TNRC18: variants seen among roughly 807,000 people sequenced by gnomAD.
TNRC18 encodes the protein trinucleotide repeat-containing gene 18 protein.
TNRC18 carries 69 observed loss-of-function variants against 226.7 expected under a neutral mutation model. The ratio of observed to expected loss-of-function variants is 0.30; its 90% CI spans 0.25 to 0.37. The LOEUF (loss-of-function observed/expected upper bound fraction) is 0.37, where lower values mean the gene tolerates loss of function less well. Among genes scored for constraint, TNRC18 ranks in the 10% least tolerant of loss-of-function variants. The pLI is 1.00. For synonymous variants in TNRC18, 2,449 were observed against 1,927.6 expected (o/e 1.27, Z -7.09); for missense variants, 4,754 against 4,256.6 (o/e 1.12, Z -3.25).
chr7:5,418,854 G>T (rs1393050380), intron 2 of TNRC18, among the ~76,000 whole-genome samples: 1 of 152,196 alleles, frequency 6.6e-6, no homozygotes, highest in African/African-American at 2.4e-5. Context: ...CTCCCACCTC[G>T]TGGCTAATGG....
chr7:5,375,865 C>G (rs370746768), intron 9 of TNRC18, among the ~76,000 whole-genome samples, 169 bp downstream of exon 9: 20 of 152,372 alleles, frequency 1.3e-4, no homozygotes, highest in East Asian at 1.2e-3. Context: ...ACAGATGGCT[C>G]CAGGTCTCGG....
Position 5,388,651 on chromosome 7 carries a change from T to C in TNRC18, c.1173A>G (p.Ala391=). Residue 391 remains alanine, a synonymous_variant, in exon 5 of 30, where the codon GCA becomes GCG. Coordinates refer to ENST00000430969, the MANE Select transcript of TNRC18 (RefSeq NM_001080495.3). ...GGGCCCGGGCATCGCGCGCCTGGGA[T>C]GCGATCTGGATGGGCCCCGGGCGCT... ...FDERPGPIQI[A]SQARDARARE... 1.6e-6 allele frequency: 2 copies of C among 1,277,812 alleles called. No homozygotes were observed. Among genetic ancestry groups the C allele is most frequent in the East Asian group, 3.6e-5 (1 of 27,534 alleles). The allele number at this position is 1,277,812 out of a possible 1,614,324, so 79.2% of individuals were successfully genotyped here. A position where few individuals can be genotyped will look rare whatever the true frequency, so the allele number is the denominator to read the frequency against.
At position 5,345,656 on chromosome 7, in the gene TNRC18, G is replaced by T; in HGVS notation, c.5625C>A (p.Ala1875=). The T allele has an allele frequency of 1.3e-6, 2 of 1,553,614 alleles. No homozygotes were observed. Among genetic ancestry groups the T allele is most frequent in the Non-Finnish European group, 1.7e-6 (2 of 1,148,832 alleles). Residue 1875 remains alanine (A), a synonymous_variant, in exon 18 of 30, where the codon GCC becomes GCA. Transcript: ENST00000430969. ...LGLLARFAAS[A]LPSPTVGPSL... is the part of the protein sequence containing the mutation. ...ATGGACCCACCGTGGGGCTGGGGAGGGCGCTGGCGGCGAAGCGTGCCAGCA... is the reference window on the plus strand; with the variant it reads ...ATGGACCCACCGTGGGGCTGGGGAGTGCGCTGGCGGCGAAGCGTGCCAGCA...
In TNRC18 at chr7:5,374,287, G is replaced by A. The variant is rs1339994938; in HGVS notation, c.2997C>T (p.Ser999=). 3 of 1,469,778 alleles carry A rather than the reference G, an allele frequency of 2.0e-6. No individual in the cohort carries two copies. The highest frequency in any genetic ancestry group is 2.5e-5 in the Admixed American group (1 of 39,256). The allele number at this position is 1,469,778 out of a possible 1,614,324, so 91.0% of individuals were successfully genotyped here. ...AVSPPPSPRA[S]PVAALKAKVI... ...CCTTGGCCTTCAGGGCAGCCACAGGGGATGCGCGGGGTGATGGTGGCGGGC... is the reference window on the plus strand; with the variant it reads ...CCTTGGCCTTCAGGGCAGCCACAGGAGATGCGCGGGGTGATGGTGGCGGGC... Residue 999 remains serine, a synonymous_variant, in exon 10 of 30, where the codon TCC becomes TCT. Transcript: ENST00000430969.
At chr7:5,383,957 A>ATTTTTTTTTTTTTTTTT (rs765430615) in intron 5 of TNRC18, among the ~76,000 whole-genome samples, 1 of 78,802 alleles carries the variant, frequency 1.3e-5, no homozygotes, top group Non-Finnish European at 2.2e-5. Flanking sequence ...TACCCGGGTG[A>ATTTTTTTTTTTTTTTTT]TTTTTTTTTT....
chr7:5,377,561 C>A lies in TNRC18; in HGVS notation c.2271G>T (p.Leu757=). Residue 757 remains leucine (L), a synonymous_variant, in exon 7 of 30, where the codon CTG becomes CTT. Coordinates refer to ENST00000430969, the MANE Select transcript of TNRC18 (RefSeq NM_001080495.3). The surrounding 1 kb of genome is among the most constrained non-coding windows in gnomAD (Gnocchi z 5.8). ...TAGGGTGCAGGCGGGCCAGGTCAGC[C>A]AGCTCCTTACTCTCTCTGGAAGGAG... ...QEKLLRESKE[L]ADLARLHPTS... 6.3e-7 allele frequency: 1 copy of A among 1,582,116 alleles called. No individual in the cohort carries two copies. The highest frequency in any genetic ancestry group is 2.3e-5 in the East Asian group (1 of 43,202).
intron 2 of TNRC18, among the ~76,000 whole-genome samples, chr7:5,414,110 C>A (rs992240832): frequency 2.6e-5 from 4 of 151,874 alleles, no homozygotes; most frequent in Non-Finnish European, 5.9e-5. Flanking sequence ...CCACACCCAG[C>A]TAATTTCTGT....
chr7:5,411,873 G>GA (rs1251243889), intron 2 of TNRC18, among the ~76,000 whole-genome samples: 1 of 151,942 alleles, frequency 6.6e-6, no homozygotes, highest in Non-Finnish European at 1.5e-5. Context: ...TATGACAAGT[G>GA]AAAAAAATGC....
chr7:5,314,129 T>G (rs146427679), intron 26 of TNRC18, among the ~76,000 whole-genome samples: 11,382 of 150,996 alleles, frequency 0.075, 597 homozygotes, highest in Non-Finnish European at 0.11. Flanking sequence ...CTGGGGAATT[T>G]TTTGTATTAT....
At chr7:5,359,610 C>G (rs928584688) in intron 14 of TNRC18, 41 bp from the exon 15 acceptor site, 18 of 1,610,518 alleles carry the variant, frequency 1.1e-5, no homozygotes, top group Non-Finnish European at 1.5e-5. Context: ...CCTGGCCAGA[C>G]AAGGCTCGCA....
intron 19 of TNRC18, among the ~76,000 whole-genome samples, chr7:5,330,830 T>C (rs1345934609): frequency 6.6e-6 from 1 of 152,086 alleles, no homozygotes; most frequent in Non-Finnish European, 1.5e-5. Flanking sequence ...CCCGCCACCA[T>C]GCCTGGCTAA....
chr7:5,407,956 G>A (rs956556068), intron 2 of TNRC18, among the ~76,000 whole-genome samples: 1 of 152,208 alleles, frequency 6.6e-6, no homozygotes, highest in African/African-American at 2.4e-5. Flanking sequence ...AAGAGAAGGA[G>A]TGTGAGCCTA....
chr7:5,345,788 GTCC>G lies in TNRC18; in HGVS notation c.5490_5492del (p.Glu1830del), dbSNP rs748253260. On this transcript the variant is annotated inframe_deletion, in exon 18 of 30. Coordinates refer to ENST00000430969, the MANE Select transcript of TNRC18 (RefSeq NM_001080495.3). Reference sequence around the variant, plus strand: ...CCTCCTCCTCGAGCTCCTCCTCCTCGTCCTCCTCCTCCGAGCTCTCATCTGGCG... The same window carrying G: ...CCTCCTCCTCGAGCTCCTCCTCCTCGTCCTCCTCCGAGCTCTCATCTGGCG... 3.9e-6 allele frequency: 6 copies of G among 1,545,026 alleles called. No individual in the cohort carries two copies. Among genetic ancestry groups the G allele is most frequent in the Non-Finnish European group, 3.5e-6 (4 of 1,146,546 alleles).
chr7:5,310,088 G>A (rs1166272312), intron 27 of TNRC18, among the ~76,000 whole-genome samples: 2 of 152,102 alleles, frequency 1.3e-5, no homozygotes, highest in African/African-American at 4.8e-5. Context: ...TTTTTGTAGA[G>A]ATGGGGGTCT....
At position 5,320,285 on chromosome 7, in the gene TNRC18, C is replaced by T. The variant is rs56056769; in HGVS notation, c.6745+33G>A. ...AACAAGTCCATACTGAGATGTTAGG[C>T]GGCAGGGGAGAGCTGGGGAGGAGGC... On this transcript the variant is annotated intron_variant, in intron 24 of 29. Coordinates refer to ENST00000430969, the MANE Select transcript of TNRC18 (RefSeq NM_001080495.3). 145,432 of 1,505,200 alleles carry T rather than the reference C, an allele frequency of 0.097. 7,937 individuals carry two copies. The highest frequency in any genetic ancestry group is 0.12 in the Admixed American group (5,948 of 50,892). The allele number at this position is 1,505,200 out of a possible 1,614,324, so 93.2% of individuals were successfully genotyped here.
chr7:5,389,702 G>T (rs917970822), intron 4 of TNRC18: 2 of 160,574 alleles, frequency 1.2e-5, no homozygotes, highest in Non-Finnish European at 2.7e-5. Flanking sequence ...TGATCCACCC[G>T]TCTCGGCCAC....
intron 3 of TNRC18, among the ~76,000 whole-genome samples, chr7:5,393,188 C>T (rs1780423342): frequency 1.3e-5 from 2 of 152,116 alleles, no homozygotes; most frequent in Admixed American, 6.5e-5. Flanking sequence ...GCAGACAGTC[C>T]CGAGAGGCAG....
rs528734766 is a variant in TNRC18 at position 5,308,274 on chromosome 7, G to A, written c.8739C>T (p.Asp2913=). 1.2e-5 allele frequency: 19 copies of A among 1,613,016 alleles called. No homozygotes were observed. The highest frequency in any genetic ancestry group is 1.7e-4 in the Middle Eastern group (1 of 5,966). ...GGCACTTGTGCGACACCGTCTGCAC[G>A]TCATTTTCGTCCACATGCGAGGACT... ...LYQSSHVDEN[D]VQTVSHKCLV... Residue 2913 remains aspartate (D), a synonymous_variant, in exon 30 of 30, where the codon GAC becomes GAT. Transcript: ENST00000430969.
chr7:5,351,694 G>C, intron 17 of TNRC18, 125 bp downstream of exon 17: 1 of 1,075,864 alleles, frequency 9.3e-7, no homozygotes, highest in Non-Finnish European at 1.3e-6. Flanking sequence ...GCCTTCTTGC[G>C]GCCATCCGCA....
Sources: allele counts gnomAD v4.1 joint callset (sites outside exome capture counted in the v4.1 genomes callset), GRCh38; gene constraint gnomAD v4.1.1; non-coding constraint Gnocchi (gnomAD v3.1); transcripts MANE v1.5; gene names NCBI Gene and HGNC (gene_info 2026-07-23, HGNC 2026-07-21).